Variants in ERBB4 observed in about 807,000 individuals in gnomAD.
The protein encoded by ERBB4 is receptor tyrosine-protein kinase erbB-4.
Under a neutral mutation model 158.0 loss-of-function variants are expected in ERBB4, and 42 were observed. The observed-to-expected ratio is 0.27, with a 90% CI of 0.21 to 0.34. ERBB4 has a LOEUF of 0.34. ERBB4 is among the 10% of genes least tolerant of loss of function. The pLI, the probability that ERBB4 is intolerant of heterozygous loss-of-function variation, is 1.00. For synonymous variants in ERBB4, 583 were observed against 558.7 expected (o/e 1.04, Z -0.61); for missense variants, 1,333 against 1,624.1 (o/e 0.82, Z 3.08).
intron 19 of ERBB4, among the ~76,000 whole-genome samples, chr2:211,582,765 C>T (rs1180162448): frequency 6.6e-6 from 1 of 152,104 alleles, no homozygotes; most frequent in Non-Finnish European, 1.5e-5. Flanking sequence ...TTAAAATTCA[C>T]AGATGTGTTA....
chr2:212,129,521 C>A (rs556549266), intron 1 of ERBB4, among the ~76,000 whole-genome samples: 1 of 151,394 alleles, frequency 6.6e-6, no homozygotes, highest in Admixed American at 6.6e-5. Context: ...GGTATAAATA[C>A]TTAGGATTTT....
intron 4 of ERBB4, among the ~76,000 whole-genome samples, chr2:211,782,484 A>G (rs1325502427): frequency 2.0e-5 from 3 of 151,704 alleles, no homozygotes; most frequent in African/African-American, 7.2e-5. Flanking sequence ...TTTATAGGTA[A>G]GGAGATAGAG....
In ERBB4 at chr2:211,990,369, T is replaced by C. The variant is rs948244888; in HGVS notation, c.235-42753A>G. Among the ~76,000 whole-genome samples, 12 of 152,118 alleles carry C rather than the reference T, an allele frequency of 7.9e-5. No individual in the cohort carries two copies. The East Asian group carries it at 1.5e-3, about 20-fold the overall frequency. ...TGTAGGCATCCCACTTATTTTTTCA[T>C]ACAGCACTATAAATGTTCCTTGAAA... On this transcript the variant is annotated intron_variant, in intron 2 of 27. Coordinates refer to ENST00000342788, the MANE Select transcript of ERBB4 (RefSeq NM_005235.3).
At chr2:211,396,934 G>A (rs2062932835) in intron 25 of ERBB4, among the ~76,000 whole-genome samples, 1 of 152,152 alleles carries the variant, frequency 6.6e-6, no homozygotes, top group Non-Finnish European at 1.5e-5. Context: ...AGTCCACCTG[G>A]AATTAGGACA....
At chr2:211,810,821 C>G (rs1401945695) in intron 3 of ERBB4, among the ~76,000 whole-genome samples, 1 of 151,800 alleles carries the variant, frequency 6.6e-6, no homozygotes, top group Non-Finnish European at 1.5e-5. Flanking sequence ...TACAGGCGCC[C>G]GCCACCGCGC....
chr2:211,732,482 A>T (rs1325955354), intron 5 of ERBB4, among the ~76,000 whole-genome samples: 1 of 152,180 alleles, frequency 6.6e-6, no homozygotes, highest in Non-Finnish European at 1.5e-5. Flanking sequence ...TTTTATTCCT[A>T]ATTCCTAATT....
intron 7 of ERBB4, among the ~76,000 whole-genome samples, chr2:211,715,440 G>C (rs951806623): frequency 1.3e-5 from 2 of 152,168 alleles, no homozygotes; most frequent in Non-Finnish European, 2.9e-5. Flanking sequence ...ACCTGCAACA[G>C]GTGCATACAT....
At chr2:212,302,822 T>A (rs986099207) in intron 1 of ERBB4, among the ~76,000 whole-genome samples, 2 of 151,668 alleles carry the variant, frequency 1.3e-5, no homozygotes, top group East Asian at 3.9e-4. Flanking sequence ...GTATTTCATT[T>A]CCATTTAAAT....
chr2:211,960,349 T>C (rs761943192), intron 2 of ERBB4, among the ~76,000 whole-genome samples: 15 of 152,080 alleles, frequency 9.9e-5, no homozygotes, highest in Non-Finnish European at 1.9e-4. Context: ...CAACTGATTA[T>C]AATCCATAAA....
chr2:212,095,612 C>T (rs1019159612), intron 2 of ERBB4, among the ~76,000 whole-genome samples: 8 of 152,114 alleles, frequency 5.3e-5, no homozygotes, highest in African/African-American at 1.9e-4. Context: ...TATCAGAATA[C>T]AGAGCATTTA....
At chr2:211,657,866 T>C in intron 15 of ERBB4, 38 bp from the exon 16 acceptor site, 3 of 1,607,992 alleles carry the variant, frequency 1.9e-6, no homozygotes, top group Non-Finnish European at 2.6e-6. Context: ...TCATTCTCCA[T>C]CCACAGTGAC....
chr2:211,520,442 C>T (rs2066155729), intron 20 of ERBB4, among the ~76,000 whole-genome samples: 1 of 151,954 alleles, frequency 6.6e-6, no homozygotes, highest in Admixed American at 6.6e-5. Context: ...AAATCTAGCC[C>T]GTGGCCTGTT....
At chr2:211,808,397 T>C (rs1178417334) in intron 3 of ERBB4, among the ~76,000 whole-genome samples, 1 of 152,162 alleles carries the variant, frequency 6.6e-6, no homozygotes, top group East Asian at 1.9e-4. Flanking sequence ...CTTTCCCCAT[T>C]GCTTTTTTTT....
At chr2:211,880,186 C>T (rs2078624439) in intron 3 of ERBB4, among the ~76,000 whole-genome samples, 1 of 152,104 alleles carries the variant, frequency 6.6e-6, no homozygotes, top group Non-Finnish European at 1.5e-5. Flanking sequence ...GAATGTACCT[C>T]TTTCCAATTC....
chr2:211,898,066 AT>A (rs146612664), intron 3 of ERBB4, among the ~76,000 whole-genome samples: 4,899 of 151,406 alleles, frequency 0.032, 104 homozygotes, highest in South Asian at 0.063. Context: ...ACCCAGGCTG[AT>A]TTTTTTTTCT....
intron 20 of ERBB4, among the ~76,000 whole-genome samples, chr2:211,516,875 AG>A (rs80093040): frequency 0.061 from 9,355 of 152,154 alleles, 718 homozygotes; most frequent in East Asian, 0.26. Context: ...TTTTCTACTG[AG>A]GCTAATAGTA....
At chr2:211,599,400 C>A (rs2068731129) in intron 19 of ERBB4, among the ~76,000 whole-genome samples, 1 of 151,810 alleles carries the variant, frequency 6.6e-6, no homozygotes, top group African/African-American at 2.4e-5. Flanking sequence ...CTTCTGCCTA[C>A]AAAGAAAATG....
chr2:212,395,225 G>A (rs73060383), intron 1 of ERBB4, among the ~76,000 whole-genome samples: 3,465 of 151,924 alleles, frequency 0.023, 147 homozygotes, highest in African/African-American at 0.079. Context: ...TAGAATCCTC[G>A]CATTATTCTT....
intron 3 of ERBB4, among the ~76,000 whole-genome samples, chr2:211,833,019 A>T (rs1296508606): frequency 6.6e-6 from 1 of 151,994 alleles, no homozygotes; most frequent in Non-Finnish European, 1.5e-5. Context: ...CTGCCTGTGA[A>T]GTGAGGATAA....
Sources: gnomAD v4.1 joint callset for allele counts (sites outside exome capture counted in the v4.1 genomes callset) on GRCh38, gnomAD v4.1.1 for gene constraint, MANE v1.5 for transcripts, NCBI Gene and HGNC (gene_info 2026-07-23, HGNC 2026-07-21) for gene names.